GNAO1: variants seen among roughly 807,000 people sequenced by gnomAD.
GNAO1 encodes guanine nucleotide-binding protein G(o) subunit alpha.
For missense variants in GNAO1, 166 were observed against 478.7 expected (o/e 0.35, Z 6.10); for synonymous variants, 164 against 180.7 (o/e 0.91, Z 0.74).
At chr16:56,257,901 C>T (rs1252182237) in intron 2 of GNAO1, among the ~76,000 whole-genome samples, 3 of 152,016 alleles carry the variant, frequency 2.0e-5, no homozygotes, top group Non-Finnish European at 4.4e-5. Context: ...GCCTAGCCCA[C>T]GGCAGGCAGC....
chr16:56,243,428 C>G (rs2036712959), intron 2 of GNAO1, among the ~76,000 whole-genome samples: 1 of 152,090 alleles, frequency 6.6e-6, no homozygotes. Flanking sequence ...TATGTCTGAT[C>G]AGGGATTTGT....
At chr16:56,319,137 A>G (rs1044253999) in intron 3 of GNAO1, among the ~76,000 whole-genome samples, 2 of 152,228 alleles carry the variant, frequency 1.3e-5, no homozygotes, top group Admixed American at 6.5e-5. Context: ...TTACATTGCC[A>G]TGAAGAGAAG....
intron 3 of GNAO1, among the ~76,000 whole-genome samples, chr16:56,322,079 G>T (rs1260567635): frequency 6.6e-6 from 1 of 152,192 alleles, no homozygotes; most frequent in Non-Finnish European, 1.5e-5. Context: ...TGGAAGGGGT[G>T]TGGGTCTTTG....
chr16:56,222,548 C>A (rs2036499980), intron 2 of GNAO1, among the ~76,000 whole-genome samples: 1 of 152,178 alleles, frequency 6.6e-6, no homozygotes, highest in Non-Finnish European at 1.5e-5. Flanking sequence ...GTGGCCTCTT[C>A]AGAACAAAAG....
At chr16:56,192,835 G>C (rs1329208716) in intron 2 of GNAO1, 2 of 563,042 alleles carry the variant, frequency 3.6e-6, no homozygotes, top group Non-Finnish European at 6.3e-6. Flanking sequence ...TTTTTGGGAG[G>C]GGGAAGGGGA....
intron 2 of GNAO1, among the ~76,000 whole-genome samples, chr16:56,227,680 C>G (rs1027788961): frequency 6.7e-5 from 7 of 104,858 alleles, no homozygotes; most frequent in African/African-American, 2.6e-4. Context: ...AGAGGAAGAC[C>G]CTGTCTCAAA....
chr16:56,194,183 A>G (rs2036209137), intron 2 of GNAO1: 1 of 456,522 alleles, frequency 2.2e-6, no homozygotes, highest in Non-Finnish European at 4.4e-6. Flanking sequence ...CTTTCTTCGC[A>G]GAGCCCCCCT....
intron 3 of GNAO1, among the ~76,000 whole-genome samples, chr16:56,315,969 G>T (rs2037505007): frequency 6.6e-6 from 1 of 152,218 alleles, no homozygotes; most frequent in African/African-American, 2.4e-5. Flanking sequence ...TGAGGCAGGA[G>T]AATTGCTTGA....
intron 3 of GNAO1, among the ~76,000 whole-genome samples, chr16:56,304,278 G>T (rs1482446328): frequency 6.6e-6 from 1 of 152,240 alleles, no homozygotes; most frequent in Admixed American, 6.5e-5. Flanking sequence ...CCATGGTACT[G>T]AGGGCCTGTG....
chr16:56,347,231 C>A, intron 6 of GNAO1: 2 of 985,442 alleles, frequency 2.0e-6, no homozygotes, highest in Non-Finnish European at 2.4e-6. Context: ...CCTCTGGGAG[C>A]CTTCAGGCAA....
chr16:56,200,855 C>A (rs530732554), intron 2 of GNAO1, among the ~76,000 whole-genome samples: 44 of 152,244 alleles, frequency 2.9e-4, no homozygotes, highest in Non-Finnish European at 5.6e-4. Context: ...TCTGGACAGG[C>A]CTTGAAATGA....
intron 3 of GNAO1, among the ~76,000 whole-genome samples, chr16:56,288,604 G>T (rs1344181521): frequency 6.6e-6 from 1 of 152,200 alleles, no homozygotes; most frequent in Non-Finnish European, 1.5e-5. Flanking sequence ...ACAGCCCTGT[G>T]TCTTAAGTCA....
chr16:56,276,313 A>G (rs992304782), intron 3 of GNAO1: 1 of 386,570 alleles, frequency 2.6e-6, no homozygotes, highest in Non-Finnish European at 4.7e-6. Flanking sequence ...TATTTTGCAG[A>G]TGAGGAAGAG....
intron 6 of GNAO1, chr16:56,345,350 C>T (rs1567493635): frequency 2.0e-6 from 2 of 985,602 alleles, no homozygotes; most frequent in Non-Finnish European, 2.4e-6. Context: ...CTCCTCAAGC[C>T]CTCTGTTCTC....
chr16:56,256,655 A>G (rs563084002), intron 2 of GNAO1, among the ~76,000 whole-genome samples: 1 of 151,510 alleles, frequency 6.6e-6, no homozygotes, highest in South Asian at 2.1e-4. Context: ...TGATGGATCA[A>G]CTGAGACTGG....
chr16:56,288,745 G>T (rs2037198881), intron 3 of GNAO1, among the ~76,000 whole-genome samples: 1 of 152,104 alleles, frequency 6.6e-6, no homozygotes, highest in South Asian at 2.1e-4. Context: ...GTGGAGGCGG[G>T]TAGGGTCTTT....
intron 3 of GNAO1, among the ~76,000 whole-genome samples, chr16:56,298,322 G>A (rs1265535680): frequency 6.6e-6 from 1 of 152,200 alleles, no homozygotes; most frequent in East Asian, 1.9e-4. Context: ...AGCCCCAGAT[G>A]TGGGTTAAGG....
rs769634112 is a variant in GNAO1, at chr16:56,192,560, C to G, written c.119-14C>G. ...ACACTCACCAGTTTTTCCCCACTGT[C>G]TGTGTCCCAACAGGGGCTGGAGAAT... On this transcript the variant is annotated splice_polypyrimidine_tract_variant and intron_variant, in intron 1 of 8. Coordinates refer to ENST00000262493, the MANE Select transcript of GNAO1 (RefSeq NM_020988.3). 24 of 1,584,724 alleles carry G rather than the reference C, an allele frequency of 1.5e-5. No homozygotes were observed. The highest frequency in any genetic ancestry group is 2.0e-5 in the Non-Finnish European group (23 of 1,155,182).
At chr16:56,316,307 C>T (rs138569539) in intron 3 of GNAO1, among the ~76,000 whole-genome samples, 1 of 152,190 alleles carries the variant, frequency 6.6e-6, no homozygotes, top group African/African-American at 2.4e-5. Context: ...GAAGCATTTT[C>T]TCTCCATCAG....
Sources: allele counts gnomAD v4.1 joint callset (sites outside exome capture counted in the v4.1 genomes callset), GRCh38; gene constraint gnomAD v4.1.1; transcripts MANE v1.5; gene names NCBI Gene and HGNC (gene_info 2026-07-23, HGNC 2026-07-21).